Variants in CACNA1D observed in about 807,000 individuals in gnomAD.
CACNA1D encodes the protein calcium voltage-gated channel subunit alpha1 D, also known as voltage-dependent L-type calcium channel subunit alpha-1D.
Under a neutral mutation model 257.1 loss-of-function variants are expected in CACNA1D, and 55 were observed. The observed-to-expected ratio is 0.21, with a 90% CI of 0.17 to 0.27. The LOEUF is 0.27. Among genes scored for constraint, CACNA1D ranks in the 10% least tolerant of loss-of-function variants. The pLI is 1.00. For missense variants in CACNA1D, 1,876 were observed against 2,784.0 expected (o/e 0.67, Z 7.34); for synonymous variants, 980 against 1,014.9 (o/e 0.97, Z 0.65).
chr3:53,797,658 G>A (rs1337331923), intron 40 of CACNA1D: 2 of 152,220 alleles, frequency 1.3e-5, no homozygotes, highest in Non-Finnish European at 2.9e-5. Context: ...CACTGAAGAT[G>A]TGCTGGAGAC....
chr3:53,590,225 C>T (rs112320978), intron 3 of CACNA1D, among the ~76,000 whole-genome samples: 1,568 of 152,328 alleles, frequency 0.01, 34 homozygotes, highest in African/African-American at 0.036. Context: ...GGAGTCAACT[C>T]CTTCCCACCT....
chr3:53,592,081 T>G (rs1419867321), intron 3 of CACNA1D, among the ~76,000 whole-genome samples: 3 of 152,238 alleles, frequency 2.0e-5, no homozygotes, highest in Non-Finnish European at 4.4e-5. Flanking sequence ...GGTGCTCATC[T>G]GAGCGTGAGG....
chr3:53,687,454 A>G (rs141951203), intron 8 of CACNA1D, among the ~76,000 whole-genome samples: 1 of 152,142 alleles, frequency 6.6e-6, no homozygotes, highest in Non-Finnish European at 1.5e-5. Flanking sequence ...ATTCCTTTAT[A>G]TGTTCAATTG....
At chr3:53,747,166 A>G in intron 25 of CACNA1D, 136 bp from the exon 26 acceptor site, 4 of 780,804 alleles carry the variant, frequency 5.1e-6, no homozygotes, top group Non-Finnish European at 9.3e-6. Context: ...CGCCGGTGTT[A>G]TGCTCAGCTG....
chr3:53,703,876 C>T (rs2094654149), intron 9 of CACNA1D, among the ~76,000 whole-genome samples: 1 of 152,116 alleles, frequency 6.6e-6, no homozygotes, highest in Non-Finnish European at 1.5e-5. Flanking sequence ...AGCAGAGCTG[C>T]AGGGCACACA....
chr3:53,798,229 C>T (rs903087345), intron 40 of CACNA1D, among the ~76,000 whole-genome samples: 6 of 152,280 alleles, frequency 3.9e-5, no homozygotes, highest in Admixed American at 3.3e-4. Context: ...GGTGGGTCCA[C>T]CTCAGAACCA....
chr3:53,546,863 A>G (rs1166803827), intron 3 of CACNA1D, among the ~76,000 whole-genome samples: 7 of 152,256 alleles, frequency 4.6e-5, no homozygotes, highest in Non-Finnish European at 5.9e-5. Context: ...TATCCAGCCC[A>G]GTATAACATT....
At chr3:53,498,071 A>G (rs1452942317) in intron 2 of CACNA1D, among the ~76,000 whole-genome samples, 4 of 152,158 alleles carry the variant, frequency 2.6e-5, no homozygotes, top group African/African-American at 7.2e-5. Flanking sequence ...GATCAGTGCT[A>G]TAACTTCCTG....
rs753072219 is a variant in CACNA1D at position 53,495,136 on chromosome 3, C to T, written c.-31C>T. On this transcript the variant is annotated 5_prime_UTR_variant, in exon 1 of 48. Transcript: ENST00000350061. The surrounding 1 kb of genome is among the most constrained non-coding windows in gnomAD (Gnocchi z 5.1). Reference sequence around the variant, plus strand: ...CCTCAACGCCCAGCACAGTGCCCTGCACACAGTAGTCGCTCAATAAATGTT... The same window carrying T: ...CCTCAACGCCCAGCACAGTGCCCTGTACACAGTAGTCGCTCAATAAATGTT... The T allele has an allele frequency of 1.3e-6, 2 of 1,590,902 alleles. No homozygotes were observed. The highest frequency in any genetic ancestry group is 1.7e-6 in the Non-Finnish European group (2 of 1,160,546).
chr3:53,690,195 G>T (rs147541481), intron 8 of CACNA1D, among the ~76,000 whole-genome samples: 4 of 152,192 alleles, frequency 2.6e-5, no homozygotes, highest in Admixed American at 6.5e-5. Context: ...GTTGGAAGCT[G>T]GTTCTAAGTC....
At chr3:53,628,943 G>A (rs7630968) in intron 3 of CACNA1D, among the ~76,000 whole-genome samples, 6,411 of 152,220 alleles carry the variant, frequency 0.042, 441 homozygotes, top group African/African-American at 0.15. Flanking sequence ...TCTTTTTCTG[G>A]CAGAGAACTG....
chr3:53,639,723 C>G (rs2093928007), intron 3 of CACNA1D, among the ~76,000 whole-genome samples: 1 of 151,808 alleles, frequency 6.6e-6, no homozygotes, highest in African/African-American at 2.4e-5. Flanking sequence ...ATCAACGTAG[C>G]CATATACAGA....
chr3:53,791,308 C>T (rs1479524061), intron 40 of CACNA1D: 3 of 350,512 alleles, frequency 8.6e-6, no homozygotes, highest in Non-Finnish European at 1.5e-5. Flanking sequence ...CAAGCAGAGA[C>T]TCAGAGAAAG....
rs529686188 is a variant in CACNA1D, at chr3:53,715,299, T to C, written c.1391-3002T>C. Among the ~76,000 whole-genome samples, 13 of 152,330 alleles carry C rather than the reference T, an allele frequency of 8.5e-5. No homozygotes were observed. The South Asian group carries it at 2.5e-3, about 29-fold the overall frequency. On this transcript the variant is annotated intron_variant, in intron 9 of 47. Transcript: ENST00000350061. ...TTTTGGGATATATTTATTTATTATG[T>C]GCCTGTGGCTCTTTAGGTGTCAAAC...
At chr3:53,741,956 G>C (rs543699312) in intron 21 of CACNA1D, among the ~76,000 whole-genome samples, 2 of 152,288 alleles carry the variant, frequency 1.3e-5, no homozygotes, top group African/African-American at 2.4e-5. Context: ...CGGTAGAATT[G>C]CTTCACCGAC....
chr3:53,752,412 T>C (rs1316594805), intron 28 of CACNA1D, among the ~76,000 whole-genome samples: 2 of 152,202 alleles, frequency 1.3e-5, no homozygotes, highest in African/African-American at 4.8e-5. Context: ...TTTTTGCCTT[T>C]TGTTTTTGAG....
chr3:53,777,576 T>C (rs1300153709), intron 37 of CACNA1D, among the ~76,000 whole-genome samples: 3 of 152,060 alleles, frequency 2.0e-5, no homozygotes, highest in Non-Finnish European at 2.9e-5. Flanking sequence ...GTGGCCTGGG[T>C]GAGGGGAGGG....
chr3:53,675,197 G>T (rs892268805), intron 8 of CACNA1D, among the ~76,000 whole-genome samples: 3 of 152,144 alleles, frequency 2.0e-5, no homozygotes, highest in Non-Finnish European at 4.4e-5. Flanking sequence ...CCTGGGATGG[G>T]GCCACATAAC....
intron 39 of CACNA1D, chr3:53,782,959 C>T (rs2095433971): frequency 6.6e-6 from 1 of 152,218 alleles, no homozygotes; most frequent in Non-Finnish European, 1.5e-5. Context: ...TTGAGCTTTT[C>T]CTGCAGCCTC....
Sources: gnomAD v4.1 joint callset for allele counts (sites outside exome capture counted in the v4.1 genomes callset) on GRCh38, gnomAD v4.1.1 for gene constraint, Gnocchi (gnomAD v3.1) non-coding constraint, MANE v1.5 for transcripts, NCBI Gene and HGNC (gene_info 2026-07-23, HGNC 2026-07-21) for gene names.